The following BMPR1B variants were observed in gnomAD, a reference collection of about 807,000 sequenced individuals.
BMPR1B encodes bone morphogenetic protein receptor type-1B.
In BMPR1B, 12 loss-of-function variants were observed where a neutral mutation model predicts 59.1. That is an observed-to-expected ratio of 0.20 (90% CI 0.13 to 0.33). BMPR1B has a LOEUF of 0.33. Among genes scored for constraint, BMPR1B ranks in the 10% least tolerant of loss-of-function variants. The pLI is 1.00. For synonymous variants in BMPR1B, 237 were observed against 207.3 expected, an observed-to-expected ratio of 1.14 and a Z score of -1.23; for missense variants, 550 against 610.9, an observed-to-expected ratio of 0.90 and a Z score of 1.05.
chr4:95,115,877 G>C (rs900523129), intron 6 of BMPR1B, 90 bp downstream of exon 6: 95 of 1,193,196 alleles, frequency 8.0e-5, no homozygotes, highest in Non-Finnish European at 1.0e-4. Context: ...CAATCTACCT[G>C]TACCACTTTC....
chr4:94,968,219 A>AT (rs1346446228), intron 2 of BMPR1B, among the ~76,000 whole-genome samples: 1 of 152,174 alleles, frequency 6.6e-6, no homozygotes, highest in African/African-American at 2.4e-5. Context: ...GACTAAAGTG[A>AT]TTAAAGCTTT....
chr4:94,780,642 G>A (rs1413914653), intron 1 of BMPR1B, among the ~76,000 whole-genome samples: 3 of 149,864 alleles, frequency 2.0e-5, no homozygotes, highest in African/African-American at 7.4e-5. Context: ...AGTATATGAG[G>A]TGTCAGTTTC....
intron 1 of BMPR1B, among the ~76,000 whole-genome samples, chr4:94,839,877 A>G (rs1724981819): frequency 6.6e-6 from 1 of 151,320 alleles, no homozygotes; most frequent in Admixed American, 6.6e-5. Flanking sequence ...ACATTTTGGC[A>G]TGATTTTGCA....
chr4:95,096,437 G>GA (rs1422232101), intron 3 of BMPR1B, among the ~76,000 whole-genome samples: 1 of 151,142 alleles, frequency 6.6e-6, no homozygotes, highest in South Asian at 2.1e-4. Flanking sequence ...TGATTTGCCT[G>GA]AAAAATCTGT....
At chr4:95,132,517 C>A (rs923291394) in intron 10 of BMPR1B, among the ~76,000 whole-genome samples, 1 of 152,070 alleles carries the variant, frequency 6.6e-6, no homozygotes, top group Non-Finnish European at 1.5e-5. Context: ...AGTTCTTGAT[C>A]TTTAAAAACA....
intron 1 of BMPR1B, among the ~76,000 whole-genome samples, chr4:94,799,889 C>T (rs1470895816): frequency 6.6e-6 from 1 of 151,842 alleles, no homozygotes; most frequent in African/African-American, 2.4e-5. Context: ...TGGAGTTTCA[C>T]CATGTTGGCC....
At chr4:94,891,405 A>G (rs910039498) in intron 2 of BMPR1B, among the ~76,000 whole-genome samples, 4 of 152,126 alleles carry the variant, frequency 2.6e-5, no homozygotes, top group African/African-American at 7.2e-5. Context: ...TTTTATTCGT[A>G]TCTTCTAGTA....
rs767079956 is a variant in BMPR1B, at chr4:95,085,813, A to G, written c.-17-18595A>G. On this transcript the variant is annotated intron_variant, in intron 3 of 12. Transcript: ENST00000515059. ...GGCATTTTATGAAGAACTTAGAAAA[A>G]GTGAAAAATATTTTGAAGTTTTATA... 3.4e-4 allele frequency among the ~76,000 whole-genome samples: 52 copies of G among 152,188 alleles called. 1 individual carries two copies. Among genetic ancestry groups the G allele is most frequent in the Non-Finnish European group, 2.8e-4 (19 of 68,030 alleles).
In BMPR1B at chr4:95,130,071, A is replaced by C. The variant is rs373361964; in HGVS notation, c.778+17A>C. 2.5e-6 allele frequency: 4 copies of C among 1,611,360 alleles called. No individual in the cohort carries two copies. The Admixed American group carries it at 6.7e-5, about 27-fold the overall frequency. ...ACATTTTGGGTGAGTAAAAGTCTGC[A>C]TAGCTATGTTCAGGGTTTCCTAGCT... On this transcript the variant is annotated intron_variant, in intron 9 of 12. Transcript: ENST00000515059.
chr4:94,815,838 A>G (rs2110645882), intron 1 of BMPR1B, among the ~76,000 whole-genome samples: 3 of 152,278 alleles, frequency 2.0e-5, no homozygotes, highest in South Asian at 2.1e-4. Context: ...TGTTATACCC[A>G]ATTTTTCTCT....
At chr4:95,115,333 A>G (rs1387852779) in intron 5 of BMPR1B, among the ~76,000 whole-genome samples, 1 of 152,166 alleles carries the variant, frequency 6.6e-6, no homozygotes, top group Non-Finnish European at 1.5e-5. Flanking sequence ...GAAATCAAAT[A>G]TTATTTTTAT....
chr4:94,765,482 G>A (rs1283657437), intron 1 of BMPR1B, among the ~76,000 whole-genome samples: 1 of 152,122 alleles, frequency 6.6e-6, no homozygotes, highest in African/African-American at 2.4e-5. Flanking sequence ...TAGACATGAA[G>A]AAGAAAAGTG....
intron 3 of BMPR1B, among the ~76,000 whole-genome samples, chr4:95,099,497 CAGAGAT>C (rs1730666409): frequency 6.6e-6 from 1 of 152,146 alleles, no homozygotes; most frequent in Admixed American, 6.6e-5. Context: ...TATTCCCTGA[CAGAGAT>C]AATCACATTT....
In BMPR1B at chr4:94,834,942, GT is replaced by G. The variant is rs750650049; in HGVS notation, c.-182-40875del. Among the ~76,000 whole-genome samples, 591 of 136,896 alleles carry G rather than the reference GT, an allele frequency of 4.3e-3. 2 individuals are homozygous for G. Among genetic ancestry groups the G allele is most frequent in the African/African-American group, 0.01 (390 of 37,736 alleles). The allele number at this position is 136,896 out of a possible 152,430, so 89.8% of individuals were successfully genotyped here. ...AGATATCTGCAGTTTGTGTTTCTTT[GT>G]TTTTTTTTTTTTTAAATTTTGAAAA... On this transcript the variant is annotated intron_variant, in intron 1 of 12. Coordinates refer to ENST00000515059, the MANE Select transcript of BMPR1B (RefSeq NM_001203.3).
At chr4:95,120,652 T>TCC (rs201810491) in intron 6 of BMPR1B, among the ~76,000 whole-genome samples, 653 of 33,322 alleles carry the variant, frequency 0.02, 7 homozygotes, top group African/African-American at 0.049. Flanking sequence ...CTTCCTTCCT[T>TCC]TCCTTCCTTC....
chr4:95,129,319 T>G (rs1050406027), intron 8 of BMPR1B, among the ~76,000 whole-genome samples: 9 of 152,140 alleles, frequency 5.9e-5, no homozygotes, highest in Non-Finnish European at 1.3e-4. Flanking sequence ...GTATTGTTCT[T>G]TGCCCAGACG....
intron 3 of BMPR1B, chr4:95,103,416 T>A (rs1352788341): frequency 1.0e-6 from 1 of 980,476 alleles, no homozygotes; most frequent in Non-Finnish European, 1.2e-6. Context: ...AAGCTAAATG[T>A]GTTATGAGAG....
At chr4:95,091,665 G>GTT in intron 3 of BMPR1B, 12 of 920,970 alleles carry the variant, frequency 1.3e-5, no homozygotes, top group Non-Finnish European at 1.5e-5. Flanking sequence ...CACAGAGACT[G>GTT]TTTTTTTTTT....
chr4:95,145,892 G>C (rs1560691250), intron 10 of BMPR1B, among the ~76,000 whole-genome samples: 1 of 152,210 alleles, frequency 6.6e-6, no homozygotes, highest in Non-Finnish European at 1.5e-5. Context: ...AAATTGGTAA[G>C]ATCTCATTTT....
Sources: gnomAD v4.1 joint callset for allele counts (sites outside exome capture counted in the v4.1 genomes callset) on GRCh38, gnomAD v4.1.1 for gene constraint, MANE v1.5 for transcripts, NCBI Gene and HGNC (gene_info 2026-07-23, HGNC 2026-07-21) for gene names.